Variants in GRIN2B observed in about 807,000 individuals in gnomAD.
The protein encoded by GRIN2B is glutamate ionotropic receptor NMDA type subunit 2B, also known as glutamate receptor ionotropic, NMDA 2B.
In GRIN2B, 5 loss-of-function variants were observed where a neutral mutation model predicts 114.5. The ratio of observed to expected loss-of-function variants is 0.04; its 90% CI spans 0.02 to 0.09. GRIN2B has a LOEUF of 0.09. Ranked by LOEUF, GRIN2B falls within the 10% of genes least tolerant of loss-of-function variation. The probability of loss-of-function intolerance (pLI) is 1.00; values close to 1 mark genes in which losing one functional copy is unlikely to be tolerated. For missense variants in GRIN2B, 1,108 were observed against 1,943.5 expected, an observed-to-expected ratio of 0.57 and a Z score of 8.08; for synonymous variants, 787 against 745.1, an observed-to-expected ratio of 1.06 and a Z score of -0.92.
Position 13,557,936 on chromosome 12 carries a change from A to AGCAACAAATCTGTGTGGGAAGGTGGTAGT in GRIN2B, c.*4818_*4846dup, listed in dbSNP as rs1948494371. On this transcript the variant is annotated 3_prime_UTR_variant, in exon 14 of 14. Coordinates refer to ENST00000609686, the MANE Select transcript of GRIN2B (RefSeq NM_000834.5). ...GACAGACAGCTCAGCTCAGTGCTAA[A>AGCAACAAATCTGTGTGGGAAGGTGGTAGT]GCAACAAATCTGTGTGGGAAGGTGG... The AGCAACAAATCTGTGTGGGAAGGTGGTAGT allele has an allele frequency of 6.6e-6, 1 of 152,252 alleles. No homozygotes were observed. Among genetic ancestry groups the AGCAACAAATCTGTGTGGGAAGGTGGTAGT allele is most frequent in the South Asian group, 2.1e-4 (1 of 4,832 alleles). The allele number at this position is 152,252 out of a possible 1,614,324, so 9.4% of individuals were successfully genotyped here. A position where few individuals can be genotyped will look rare whatever the true frequency, so the allele number is the denominator to read the frequency against.
chr12:13,567,457 G>T (rs569294864), intron 12 of GRIN2B, among the ~76,000 whole-genome samples, 194 bp from the exon 13 acceptor site: 1 of 152,212 alleles, frequency 6.6e-6, no homozygotes, highest in Non-Finnish European at 1.5e-5. Flanking sequence ...ATTCATCAAC[G>T]TACTTAGTAA....
chr12:13,937,094 AAAG>A (rs1445882672), intron 2 of GRIN2B, among the ~76,000 whole-genome samples: 34 of 146,014 alleles, frequency 2.3e-4, no homozygotes, highest in African/African-American at 6.5e-4. Flanking sequence ...TAAAAAAAAA[AAAG>A]GGGGGGGGGA....
chr12:13,563,293 G>T lies in GRIN2B; in HGVS notation c.3945C>A (p.Ala1315=), dbSNP rs200657400. ...GGCTTACGCTGCGCGGGGCCAGGGC[G>T]GCTTCTTCCTTCTGCAGGTCCACGA... The part of the protein sequence containing the change: ...DTFVDLQKEE[A]ALAPRSVSLK... The change falls in exon 14 of 14, where the codon GCC becomes GCA. Residue 1315 remains alanine (A), a synonymous_variant. Coordinates refer to ENST00000609686, the MANE Select transcript of GRIN2B (RefSeq NM_000834.5). 1 of 1,614,088 alleles carries T rather than the reference G, an allele frequency of 6.2e-7. No homozygotes were observed. The highest frequency in any genetic ancestry group is 1.3e-5 in the African/African-American group (1 of 74,924).
At chr12:13,817,184 G>A (rs901919325) in intron 3 of GRIN2B, among the ~76,000 whole-genome samples, 12 of 152,096 alleles carry the variant, frequency 7.9e-5, no homozygotes, top group African/African-American at 2.7e-4. Flanking sequence ...TCCAACAGAA[G>A]GAAGCATGGG....
intron 2 of GRIN2B, among the ~76,000 whole-genome samples, chr12:13,901,421 T>C (rs903239752): frequency 3.9e-5 from 6 of 152,124 alleles, no homozygotes; most frequent in African/African-American, 1.4e-4. Flanking sequence ...GAAACTACCC[T>C]GTATATATTT....
chr12:13,833,890 C>T (rs1865198849), intron 3 of GRIN2B, among the ~76,000 whole-genome samples: 1 of 152,114 alleles, frequency 6.6e-6, no homozygotes, highest in Non-Finnish European at 1.5e-5. Context: ...AAATGAAGGT[C>T]ATTCCAGCGA....
chr12:13,762,707 G>C (rs1863701511), intron 3 of GRIN2B, among the ~76,000 whole-genome samples: 1 of 152,142 alleles, frequency 6.6e-6, no homozygotes, highest in African/African-American at 2.4e-5. Context: ...GCCTCTTCAA[G>C]GGATCCCTGG....
intron 3 of GRIN2B, among the ~76,000 whole-genome samples, chr12:13,821,035 A>G (rs2136693041): frequency 6.6e-6 from 1 of 152,032 alleles, no homozygotes; most frequent in South Asian, 2.1e-4. Flanking sequence ...TACCGTACAA[A>G]GTTTGCCCCA....
chr12:13,619,285 CA>C (rs2136484903), intron 5 of GRIN2B, among the ~76,000 whole-genome samples: 1 of 152,238 alleles, frequency 6.6e-6, no homozygotes, highest in South Asian at 2.1e-4. Flanking sequence ...AGCAATTGCA[CA>C]GTATCAAAAA....
intron 3 of GRIN2B, among the ~76,000 whole-genome samples, chr12:13,761,668 T>C (rs1377172921): frequency 6.6e-6 from 1 of 152,206 alleles, no homozygotes; most frequent in South Asian, 2.1e-4. Flanking sequence ...TCAAACCTAC[T>C]CTCAGATGGA....
At chr12:13,961,041 G>A (rs547474944) in intron 2 of GRIN2B, among the ~76,000 whole-genome samples, 46 of 152,112 alleles carry the variant, frequency 3.0e-4, no homozygotes, top group African/African-American at 9.6e-4. Flanking sequence ...TGGTCATGCC[G>A]TCATTCGTGA....
At chr12:13,655,144 T>C (rs1332317241) in intron 5 of GRIN2B, among the ~76,000 whole-genome samples, 1 of 152,110 alleles carries the variant, frequency 6.6e-6, no homozygotes, top group Non-Finnish European at 1.5e-5. Flanking sequence ...TTGCATATCA[T>C]TTGGAGAGAA....
At chr12:13,832,461 T>A (rs1372727664) in intron 3 of GRIN2B, among the ~76,000 whole-genome samples, 1 of 152,198 alleles carries the variant, frequency 6.6e-6, no homozygotes, top group Non-Finnish European at 1.5e-5. Flanking sequence ...AGACCCCTCA[T>A]GCCCACTGGA....
intron 2 of GRIN2B, among the ~76,000 whole-genome samples, chr12:13,888,601 G>A (rs1437568846): frequency 6.6e-6 from 1 of 151,782 alleles, no homozygotes; most frequent in East Asian, 1.9e-4. Flanking sequence ...GGGTGTGGTG[G>A]TGCACTCCTG....
chr12:13,651,753 A>G (rs763582242), intron 5 of GRIN2B, among the ~76,000 whole-genome samples: 14 of 152,122 alleles, frequency 9.2e-5, no homozygotes, highest in South Asian at 2.1e-4. Flanking sequence ...GCCAGTAAAC[A>G]GAAATTAGTC....
In GRIN2B at chr12:13,558,190, A is replaced by G. The variant is rs560302899; in HGVS notation, c.*4593T>C. On this transcript the variant is annotated 3_prime_UTR_variant, in exon 14 of 14. Coordinates refer to ENST00000609686, the MANE Select transcript of GRIN2B (RefSeq NM_000834.5). ...AGCCTACTGAGCATGTATTTCCTAT[A>G]TGGCTTTGGGCTCAGAGAGCACATA... The G allele has an allele frequency of 9.9e-5, 15 of 152,262 alleles. No homozygotes were observed. The highest frequency in any genetic ancestry group is 3.4e-4 in the African/African-American group (14 of 41,544). The allele number at this position is 152,262 out of a possible 1,614,324, so 9.4% of individuals were successfully genotyped here. A position where few individuals can be genotyped will look rare whatever the true frequency, so the allele number is the denominator to read the frequency against.
At chr12:13,884,061 G>A (rs1304619830) in intron 2 of GRIN2B, among the ~76,000 whole-genome samples, 1 of 152,082 alleles carries the variant, frequency 6.6e-6, no homozygotes, top group African/African-American at 2.4e-5. Flanking sequence ...TGGAAAGACT[G>A]CCCTTCCTCC....
At chr12:13,573,948 A>G (rs1424170968) in intron 10 of GRIN2B, among the ~76,000 whole-genome samples, 1 of 152,210 alleles carries the variant, frequency 6.6e-6, no homozygotes, top group African/African-American at 2.4e-5. Flanking sequence ...TCTCTGACTC[A>G]TCACAGGGCT....
chr12:13,660,902 CCT>C (rs547543347), intron 5 of GRIN2B, among the ~76,000 whole-genome samples: 2 of 152,102 alleles, frequency 1.3e-5, no homozygotes, highest in Non-Finnish European at 2.9e-5. Context: ...TGCTTTTCCT[CCT>C]CTCTCTCCAC....
Sources: gnomAD v4.1 joint callset for allele counts (sites outside exome capture counted in the v4.1 genomes callset) on GRCh38, gnomAD v4.1.1 for gene constraint, MANE v1.5 for transcripts, NCBI Gene and HGNC (gene_info 2026-07-23, HGNC 2026-07-21) for gene names.